The following SHROOM3 variants were observed in gnomAD, a reference collection of about 807,000 sequenced individuals.
The protein encoded by SHROOM3 is shroom family member 3, also known as protein Shroom3.
Under a neutral mutation model 138.6 loss-of-function variants are expected in SHROOM3, and 47 were observed. That is an observed-to-expected ratio of 0.34 (90% CI 0.27 to 0.43). SHROOM3 has a LOEUF of 0.43. Ranked by LOEUF, SHROOM3 falls within the 20% of genes least tolerant of loss-of-function variation. The pLI, the probability that SHROOM3 is intolerant of heterozygous loss-of-function variation, is 1.00. For synonymous variants in SHROOM3, 1,062 were observed against 1,063.3 expected (o/e 1.00, Z 0.02); for missense variants, 2,491 against 2,596.5 (o/e 0.96, Z 0.88).
intron 2 of SHROOM3, among the ~76,000 whole-genome samples, chr4:76,683,335 C>T (rs1049682148): frequency 6.6e-6 from 1 of 152,096 alleles, no homozygotes; most frequent in African/African-American, 2.4e-5. Flanking sequence ...ATATTAACAG[C>T]CTGGGGTGTG....
At chr4:76,769,587 C>G (rs755868321) in intron 9 of SHROOM3, among the ~76,000 whole-genome samples, 5 of 152,154 alleles carry the variant, frequency 3.3e-5, no homozygotes, top group Admixed American at 1.3e-4. Flanking sequence ...ATTAAGGTGT[C>G]AAATTGCACA....
At position 76,739,087 on chromosome 4, in the gene SHROOM3, G is replaced by A. The variant is rs769701354; in HGVS notation, c.914G>A (p.Arg305His). 2.0e-5 allele frequency: 32 copies of A among 1,614,086 alleles called. No individual in the cohort carries two copies. The highest frequency in any genetic ancestry group is 2.5e-5 in the Non-Finnish European group (30 of 1,180,040). ...LLEGMRQADI[R>H]YVKTVYDTRR... ...GAAGGGATGAGGCAGGCAGATATTC[G>A]CTATGTCAAGACAGTCTATGACACC... The change falls in exon 5 of 11, where the codon CGC becomes CAC. Residue 305 changes from arginine (R) to histidine (H), a missense_variant. This residue lies in a region of SHROOM3 where 1,733 missense variants were observed against 1,661.6 expected (regional missense o/e 1.04). Coordinates refer to ENST00000296043, the MANE Select transcript of SHROOM3 (RefSeq NM_020859.4).
chr4:76,567,902 T>C (rs1198650134), intron 2 of SHROOM3, among the ~76,000 whole-genome samples: 2 of 152,274 alleles, frequency 1.3e-5, no homozygotes, highest in East Asian at 3.9e-4. Flanking sequence ...ACGTTTTTTT[T>C]TTTTAACTAA....
intron 1 of SHROOM3, among the ~76,000 whole-genome samples, chr4:76,487,248 A>G (rs1287388067): frequency 1.3e-5 from 2 of 152,220 alleles, no homozygotes; most frequent in Admixed American, 1.3e-4. Flanking sequence ...AGGTTTATCC[A>G]TGTTGAAGTA....
At chr4:76,643,716 AT>A (rs1336166607) in intron 2 of SHROOM3, among the ~76,000 whole-genome samples, 1 of 152,368 alleles carries the variant, frequency 6.6e-6, no homozygotes, top group South Asian at 2.1e-4. Flanking sequence ...TCATTTAAAA[AT>A]TAGTATTTGT....
intron 2 of SHROOM3, among the ~76,000 whole-genome samples, chr4:76,614,046 T>A (rs778946561): frequency 0.011 from 1,658 of 151,566 alleles, 14 homozygotes; most frequent in Non-Finnish European, 0.018. Flanking sequence ...TGTTTGTTTG[T>A]TTGTTTGTTT....
chr4:76,561,880 G>A (rs1388977447), intron 2 of SHROOM3, among the ~76,000 whole-genome samples: 2 of 151,768 alleles, frequency 1.3e-5, no homozygotes, highest in Admixed American at 6.6e-5. Context: ...GAGAGGTGGC[G>A]TGCCCCTGTA....
chr4:76,532,830 C>T (rs779482128), intron 1 of SHROOM3, among the ~76,000 whole-genome samples: 2 of 152,134 alleles, frequency 1.3e-5, no homozygotes, highest in African/African-American at 2.4e-5. Context: ...TATCTGAGAG[C>T]ATCACCAATG....
rs78449461 is a variant in SHROOM3 at position 76,570,610 on chromosome 4, G to A, written c.323+14847G>A. On this transcript the variant is annotated intron_variant, in intron 2 of 10. Coordinates refer to ENST00000296043, the MANE Select transcript of SHROOM3 (RefSeq NM_020859.4). ...CATGTTCAGGAATTTAAGACTCACC[G>A]TGTTTTCTTTCGTTTTGTTTAATCT... Among the ~76,000 whole-genome samples, 36 of 152,252 alleles carry A rather than the reference G, an allele frequency of 2.4e-4. No homozygotes were observed. In the East Asian group the frequency reaches 5.8e-3, roughly 24 times the overall value.
At chr4:76,712,537 T>C (rs1410184557) in intron 3 of SHROOM3, among the ~76,000 whole-genome samples, 1 of 152,200 alleles carries the variant, frequency 6.6e-6, no homozygotes, top group African/African-American at 2.4e-5. Flanking sequence ...ATAAATCATA[T>C]TTATAACAAG....
intron 1 of SHROOM3, among the ~76,000 whole-genome samples, chr4:76,522,096 C>T (rs991504468): frequency 6.7e-6 from 1 of 148,722 alleles, no homozygotes; most frequent in Non-Finnish European, 1.5e-5. Context: ...AGGCAGGGAA[C>T]TGTTGGAGGG....
chr4:76,551,117 C>T (rs1414583013), intron 1 of SHROOM3, among the ~76,000 whole-genome samples: 3 of 150,984 alleles, frequency 2.0e-5, no homozygotes, highest in Non-Finnish European at 3.0e-5. Flanking sequence ...GCGATCCTCC[C>T]ACCTCAGCCT....
chr4:76,568,375 T>G (rs1733770689), intron 2 of SHROOM3, among the ~76,000 whole-genome samples: 1 of 152,186 alleles, frequency 6.6e-6, no homozygotes, highest in African/African-American at 2.4e-5. Flanking sequence ...CATCATCAAA[T>G]AGCGTTAGTT....
intron 1 of SHROOM3, among the ~76,000 whole-genome samples, chr4:76,545,093 C>CT (rs900338107): frequency 6.3e-4 from 94 of 149,888 alleles, no homozygotes; most frequent in East Asian, 2.7e-3. Flanking sequence ...TTCTTTTTTT[C>CT]TTTTTTTTTT....
intron 2 of SHROOM3, among the ~76,000 whole-genome samples, chr4:76,691,010 A>G (rs150056108): frequency 4.8e-4 from 73 of 152,324 alleles, no homozygotes; most frequent in Middle Eastern, 3.4e-3. Flanking sequence ...TCTTGAATCA[A>G]CTTCCCACAT....
intron 9 of SHROOM3, among the ~76,000 whole-genome samples, chr4:76,770,227 G>A (rs1722304059): frequency 6.6e-6 from 1 of 150,378 alleles, no homozygotes; most frequent in African/African-American, 2.5e-5. Flanking sequence ...GGAGGCTGAG[G>A]CAGGAGAATC....
At chr4:76,690,316 C>G (rs1346824436) in intron 2 of SHROOM3, among the ~76,000 whole-genome samples, 2 of 152,170 alleles carry the variant, frequency 1.3e-5, no homozygotes, top group African/African-American at 4.8e-5. Context: ...CTGGAGCACT[C>G]TCTGGGGGTG....
intron 1 of SHROOM3, among the ~76,000 whole-genome samples, chr4:76,475,838 G>A (rs1731473284): frequency 6.6e-6 from 1 of 152,112 alleles, no homozygotes; most frequent in Admixed American, 6.6e-5. Context: ...CAGATTCATT[G>A]TTTACAATAG....
chr4:76,557,497 C>A (rs1035109277), intron 2 of SHROOM3, among the ~76,000 whole-genome samples: 2 of 152,172 alleles, frequency 1.3e-5, no homozygotes, highest in Non-Finnish European at 2.9e-5. Flanking sequence ...TCAAGGGGTA[C>A]AAACTTTTAG....
Sources: allele counts gnomAD v4.1 joint callset (sites outside exome capture counted in the v4.1 genomes callset), GRCh38; gene constraint gnomAD v4.1.1; regional missense constraint gnomAD v4.1.1; transcripts MANE v1.5; gene names NCBI Gene and HGNC (gene_info 2026-07-23, HGNC 2026-07-21).